CRACDL: variants seen among roughly 807,000 people sequenced by gnomAD.
The protein encoded by CRACDL is CRACD like.
In CRACDL, 26 loss-of-function variants were observed where a neutral mutation model predicts 70.6. That is an observed-to-expected ratio of 0.37 (90% CI 0.27 to 0.51). The LOEUF (loss-of-function observed/expected upper bound fraction) is 0.51, where lower values mean the gene tolerates loss of function less well. CRACDL is among the 20% of genes least tolerant of loss of function. CRACDL has a pLI of 0.94. For missense variants in CRACDL, 1,283 were observed against 1,376.9 expected, an observed-to-expected ratio of 0.93 and a Z score of 1.08; for synonymous variants, 618 against 615.2, an observed-to-expected ratio of 1.00 and a Z score of -0.07.
intron 1 of CRACDL, among the ~76,000 whole-genome samples, chr2:98,912,437 C>T (rs914486127): frequency 6.6e-6 from 1 of 152,310 alleles, no homozygotes; most frequent in South Asian, 2.1e-4. Context: ...CTGGCCACAC[C>T]CATGCAGGGT....
At position 98,822,431 on chromosome 2, in the gene CRACDL, G is replaced by C. The variant is rs1277251656; in HGVS notation, c.1842C>G (p.Asp614Glu). Reference protein sequence around the residue: ...GPVWRSEAALDDLQGLPEPQH... With the variant: ...GPVWRSEAALEDLQGLPEPQH... ...GGGGCTCGGGGAGACCCTGGAGGTC[G>C]TCAAGAGCCGCCTCGCTCCTCCAGA... is the stretch of plus-strand genomic sequence containing the variant. The change falls in exon 7 of 10, where the codon GAC becomes GAG. Residue 614 changes from aspartate (D) to glutamate (E), a missense_variant. By Grantham distance (45) the Asp-to-Glu change is conservative (BLOSUM62 2). Around this residue, in one of 2 missense-constraint regions of CRACDL, gnomAD observed 921 missense variants for 881.9 expected, o/e 1.04. Coordinates refer to ENST00000397899, the MANE Select transcript of CRACDL (RefSeq NM_207362.3). This position sits in a 1 kb window ranked among gnomAD's most constrained non-coding sequence, Gnocchi z 4.9. The C allele has an allele frequency of 7.4e-6, 11 of 1,483,374 alleles. No homozygotes were observed. In the East Asian group the frequency reaches 1.4e-4, roughly 20 times the overall value. 91.9% of individuals were successfully genotyped at this position (1,483,374 alleles called of 1,614,324 possible).
chr2:98,897,373 C>G, intron 1 of CRACDL: 1 of 1,303,612 alleles, frequency 7.7e-7, no homozygotes. Flanking sequence ...CTCTTAGCAC[C>G]TACCTTTTAT....
rs146282995 is a variant in CRACDL at position 98,820,981 on chromosome 2, A to C, written c.2416+876T>G. Among the ~76,000 whole-genome samples the C allele has an allele frequency of 2.5e-4, 38 of 152,364 alleles. No individual in the cohort carries two copies. The South Asian group carries it at 6.0e-3, about 24-fold the overall frequency. ...TAGCTTAGGCCCTGAAAGAACCTGCATCAAAATGAGTACACATGTCCTGGG... is the reference window on the plus strand; with the variant it reads ...TAGCTTAGGCCCTGAAAGAACCTGCCTCAAAATGAGTACACATGTCCTGGG... On this transcript the variant is annotated intron_variant, in intron 7 of 9. Transcript: ENST00000397899.
intron 1 of CRACDL, among the ~76,000 whole-genome samples, chr2:98,928,987 C>G (rs1457658528): frequency 6.6e-6 from 1 of 152,110 alleles, no homozygotes; most frequent in Non-Finnish European, 1.5e-5. Flanking sequence ...TGACTCAGAC[C>G]TTCAAGGGAG....
rs755858070 is a variant in CRACDL at position 98,823,474 on chromosome 2, TCTC to T, written c.796_798del (p.Glu266del). 7 of 1,594,972 alleles carry T rather than the reference TCTC, an allele frequency of 4.4e-6. No homozygotes were observed. In the Admixed American group the frequency reaches 5.0e-5, roughly 11 times the overall value. On this transcript the variant is annotated inframe_deletion, in exon 7 of 10. Coordinates refer to ENST00000397899, the MANE Select transcript of CRACDL (RefSeq NM_207362.3). The surrounding 1 kb of genome is among the most constrained non-coding windows in gnomAD (Gnocchi z 4.0). ...TCTGGGCTGACTTCCAAAAGTGGCT[TCTC>T]CTCGTTTTCCTCCTCCTCTGGGGTG... is the stretch of plus-strand genomic sequence containing the variant.
At chr2:98,843,407 C>T (rs533286955) in intron 2 of CRACDL, among the ~76,000 whole-genome samples, 2 of 152,218 alleles carry the variant, frequency 1.3e-5, no homozygotes, top group South Asian at 4.2e-4. Context: ...TGATGAAGTC[C>T]AATTTATACA....
At chr2:98,795,004 T>C (rs1703737510) in intron 9 of CRACDL, among the ~76,000 whole-genome samples, 2 of 145,258 alleles carry the variant, frequency 1.4e-5, no homozygotes, top group African/African-American at 2.6e-5. Context: ...ATGGCTAAGA[T>C]GGTAAATTCT....
At chr2:98,918,761 C>A (rs1398470658) in intron 1 of CRACDL, among the ~76,000 whole-genome samples, 1 of 151,976 alleles carries the variant, frequency 6.6e-6, no homozygotes, top group African/African-American at 2.4e-5. Flanking sequence ...TATTCATGTC[C>A]TTTGCCCATG....
At chr2:98,850,146 A>G (rs1198541920) in intron 1 of CRACDL, among the ~76,000 whole-genome samples, 1 of 152,224 alleles carries the variant, frequency 6.6e-6, no homozygotes, top group Non-Finnish European at 1.5e-5. Context: ...TGTCAGTCAC[A>G]GGACAAACAC....
intron 1 of CRACDL, among the ~76,000 whole-genome samples, chr2:98,878,243 G>A (rs1010579060): frequency 3.3e-5 from 5 of 152,098 alleles, no homozygotes; most frequent in South Asian, 4.1e-4. Flanking sequence ...CACCGCACCC[G>A]GCCCATTTTT....
At chr2:98,812,123 G>A (rs1367617246) in intron 7 of CRACDL, among the ~76,000 whole-genome samples, 2 of 152,190 alleles carry the variant, frequency 1.3e-5, no homozygotes, top group Non-Finnish European at 2.9e-5. Context: ...CTACAGGTGT[G>A]CACCACCGCA....
intron 1 of CRACDL, among the ~76,000 whole-genome samples, chr2:98,871,382 T>A (rs1182196915): frequency 6.6e-6 from 1 of 152,182 alleles, no homozygotes; most frequent in African/African-American, 2.4e-5. Context: ...CACAACCAGC[T>A]ATGAGTTAAA....
At chr2:98,797,292 A>C in intron 8 of CRACDL, 58 bp downstream of exon 8, 1 of 1,542,264 alleles carries the variant, frequency 6.5e-7, no homozygotes, top group Non-Finnish European at 8.9e-7. Context: ...TCCTCGCCCC[A>C]GTCCCAGCTG....
intron 3 of CRACDL, among the ~76,000 whole-genome samples, chr2:98,836,599 CTG>C (rs765565851): frequency 6.6e-6 from 1 of 152,160 alleles, no homozygotes; most frequent in Non-Finnish European, 1.5e-5. Context: ...GGGCTCCTGT[CTG>C]TGGTTGGAGG....
chr2:98,925,622 C>T (rs1032241209), intron 1 of CRACDL, among the ~76,000 whole-genome samples: 4 of 152,276 alleles, frequency 2.6e-5, no homozygotes, highest in African/African-American at 7.2e-5. Flanking sequence ...ACGGGGAGTG[C>T]GCCTCGTGAG....
chr2:98,796,781 AATTGCGAGTCTCGGCCTG>A (rs1386312845), intron 8 of CRACDL, among the ~76,000 whole-genome samples: 1 of 152,150 alleles, frequency 6.6e-6, no homozygotes, highest in Non-Finnish European at 1.5e-5. Context: ...GGGATACAAA[AATTGCGAGTCTCGGCCTG>A]ATTCTAGGCA....
Position 98,823,520 on chromosome 2 carries a change from G to A in CRACDL, c.753C>T (p.Ser251=), listed in dbSNP as rs762906593. ...RRLSSRAQSE[S]LSDLTCTPEE... is the part of the protein sequence containing the mutation. Reference sequence around the variant, plus strand: ...CTGGGGTGCACGTCAGGTCGCTCAGGGATTCAGACTGAGCGCGCTGAGAGA... The same window carrying A: ...CTGGGGTGCACGTCAGGTCGCTCAGAGATTCAGACTGAGCGCGCTGAGAGA... The change falls in exon 7 of 10, where the codon TCC becomes TCT. Residue 251 remains serine (S), a synonymous_variant. Transcript: ENST00000397899. This position sits in a 1 kb window ranked among gnomAD's most constrained non-coding sequence, Gnocchi z 4.0. The A allele has an allele frequency of 6.3e-7, 1 of 1,588,402 alleles. No homozygotes were observed. The highest frequency in any genetic ancestry group is 1.3e-5 in the African/African-American group (1 of 74,566).
chr2:98,911,392 G>A (rs1211268564), intron 1 of CRACDL, among the ~76,000 whole-genome samples: 1 of 152,204 alleles, frequency 6.6e-6, no homozygotes, highest in African/African-American at 2.4e-5. Context: ...ACAGCACTTA[G>A]CAAGGGGCCT....
In CRACDL at chr2:98,846,781, A is replaced by G; in HGVS notation, c.20T>C (p.Met7Thr). 6.2e-7 allele frequency: 1 copy of G among 1,614,196 alleles called. No homozygotes were observed. The highest frequency in any genetic ancestry group is 8.5e-7 in the Non-Finnish European group (1 of 1,180,006). The change falls in exon 2 of 10, where the codon ATG becomes ACG. Residue 7 changes from methionine (M) to threonine (T), a missense_variant. Physicochemically the swap from Met to Thr is moderately conservative, Grantham distance 81. Transcript: ENST00000397899. The part of the protein sequence containing the change: MISTRV[M>T]DIKLREAAEG... The stretch of plus-strand genomic sequence containing the variant: ...TGCAGCCTCCCGAAGCTTAATGTCC[A>G]TCACCCTTGTGGAAATCATGTCAAG...
Sources: gnomAD v4.1 joint callset for allele counts (sites outside exome capture counted in the v4.1 genomes callset) on GRCh38, gnomAD v4.1.1 for gene constraint, gnomAD v4.1.1 regional missense constraint, Gnocchi (gnomAD v3.1) non-coding constraint, MANE v1.5 for transcripts, NCBI Gene and HGNC (gene_info 2026-07-23, HGNC 2026-07-21) for gene names.